Variants in JARID2 observed in about 807,000 individuals in gnomAD.
JARID2 encodes the protein protein Jumonji.
In JARID2, 21 loss-of-function variants were observed where a neutral mutation model predicts 125.6. That is an observed-to-expected ratio of 0.17 (90% CI 0.12 to 0.24). The LOEUF (loss-of-function observed/expected upper bound fraction) is 0.24, where lower values mean the gene tolerates loss of function less well. JARID2 is among the 10% of genes least tolerant of loss of function. The probability of loss-of-function intolerance (pLI) is 1.00; values close to 1 mark genes in which losing one functional copy is unlikely to be tolerated. For synonymous variants in JARID2, 736 were observed against 661.6 expected, an observed-to-expected ratio of 1.11 and a Z score of -1.73; for missense variants, 1,303 against 1,639.6, an observed-to-expected ratio of 0.79 and a Z score of 3.55.
At chr6:15,495,996 T>A in intron 6 of JARID2, 136 bp from the exon 7 acceptor site, 1 of 721,910 alleles carries the variant, frequency 1.4e-6, no homozygotes, top group South Asian at 1.8e-5. Context: ...TTTCCACATC[T>A]CTTCTTATCA....
At chr6:15,498,867 G>A (rs1341139598) in intron 7 of JARID2, among the ~76,000 whole-genome samples, 2 of 152,264 alleles carry the variant, frequency 1.3e-5, no homozygotes, top group African/African-American at 2.4e-5. Context: ...CAGGATGACT[G>A]AGTCAGTGAT....
At chr6:15,430,202 G>C (rs1361940491) in intron 3 of JARID2, among the ~76,000 whole-genome samples, 1 of 152,142 alleles carries the variant, frequency 6.6e-6, no homozygotes, top group African/African-American at 2.4e-5. Flanking sequence ...TTCTTGCTAA[G>C]ATTTTGTTTT....
At chr6:15,518,288 C>G (rs912144225) in intron 17 of JARID2, among the ~76,000 whole-genome samples, 1 of 152,190 alleles carries the variant, frequency 6.6e-6, no homozygotes, top group Non-Finnish European at 1.5e-5. Context: ...TGGGTTGTAC[C>G]TCTCACCAGC....
Position 15,290,485 on chromosome 6 carries a change from T to C in JARID2, c.45+43901T>C, listed in dbSNP as rs550861512. Among the ~76,000 whole-genome samples the C allele has an allele frequency of 1.5e-3, 235 of 152,320 alleles. 2 individuals carry two copies. The highest frequency in any genetic ancestry group is 5.2e-3 in the African/African-American group (218 of 41,544). ...CTTCTCCAATGTCCTTGAACCATTT[T>C]GCAAGTGTTCCAGTTGTTCCACATC... is the stretch of plus-strand genomic sequence containing the variant. On this transcript the variant is annotated intron_variant, in intron 1 of 17. Coordinates refer to ENST00000341776, the MANE Select transcript of JARID2 (RefSeq NM_004973.4).
intron 5 of JARID2, among the ~76,000 whole-genome samples, chr6:15,478,084 G>C (rs1769433777): frequency 6.6e-6 from 1 of 152,150 alleles, no homozygotes; most frequent in Non-Finnish European, 1.5e-5. Context: ...GGCCTCGTAG[G>C]GCCTTAGTGG....
At position 15,508,463 on chromosome 6, in the gene JARID2, TG is replaced by T. The variant is rs1259160434; in HGVS notation, c.2846+11del. On this transcript the variant is annotated intron_variant, in intron 12 of 17. Transcript: ENST00000341776. ...GGTGCTGACTGCATTTGGTGAGTAC[TG>T]GCCCCAGGCGGGAAGGGAGGGACTG... The T allele has an allele frequency of 8.3e-6, 12 of 1,439,782 alleles. No individual in the cohort carries two copies. Among genetic ancestry groups the T allele is most frequent in the Non-Finnish European group, 1.2e-5 (12 of 1,020,936 alleles). 89.2% of individuals were successfully genotyped at this position (1,439,782 alleles called of 1,614,324 possible).
chr6:15,501,243 T>C lies in JARID2; in HGVS notation c.2282T>C (p.Ile761Thr). Residue 761 changes from isoleucine to threonine, a missense_variant, in exon 8 of 18, where the codon ATC (isoleucine) becomes ACC (threonine). Physicochemically the swap from Ile to Thr is moderately conservative, Grantham distance 89 (BLOSUM62 -1). Around this residue, in one of 11 missense-constraint regions of JARID2, gnomAD observed 124 missense variants for 131.0 expected, o/e 0.95. Transcript: ENST00000341776. ...CGCTTCGAGCCCAAGAATGGGCTCA[T>C]CCACGGCGTGGCCCCCAGGAACGGC... ...LPRFEPKNGL[I>T]HGVAPRNGFR... is the part of the protein sequence containing the mutation. 1 of 1,613,606 alleles carries C rather than the reference T, an allele frequency of 6.2e-7. No individual in the cohort carries two copies. Among genetic ancestry groups the C allele is most frequent in the Non-Finnish European group, 8.5e-7 (1 of 1,179,630 alleles).
intron 1 of JARID2, among the ~76,000 whole-genome samples, chr6:15,296,745 C>T (rs1329395934): frequency 2.6e-5 from 4 of 152,244 alleles, no homozygotes; most frequent in Non-Finnish European, 5.9e-5. Flanking sequence ...ATGTCCCCAT[C>T]GTCCTCTGAG....
At chr6:15,352,583 G>C (rs1427108126) in intron 1 of JARID2, among the ~76,000 whole-genome samples, 1 of 152,142 alleles carries the variant, frequency 6.6e-6, no homozygotes, top group African/African-American at 2.4e-5. Flanking sequence ...CTTTTCCTGT[G>C]CTTCAGTCCT....
intron 1 of JARID2, among the ~76,000 whole-genome samples, chr6:15,341,061 T>A (rs1272823710): frequency 6.6e-6 from 1 of 152,252 alleles, no homozygotes; most frequent in Non-Finnish European, 1.5e-5. Context: ...GGAAGTCTTT[T>A]CTTTTATACC....
chr6:15,292,857 C>T (rs1049754328), intron 1 of JARID2, among the ~76,000 whole-genome samples: 5 of 152,070 alleles, frequency 3.3e-5, no homozygotes, highest in African/African-American at 7.2e-5. Context: ...TTTGTAGACA[C>T]GAGATCTTCC....
chr6:15,317,507 A>G (rs1762218400), intron 1 of JARID2, among the ~76,000 whole-genome samples: 1 of 152,184 alleles, frequency 6.6e-6, no homozygotes, highest in African/African-American at 2.4e-5. Context: ...CTTTTACTTC[A>G]GTAGACCTGG....
At chr6:15,373,830 A>C (rs1187825576) in intron 1 of JARID2, among the ~76,000 whole-genome samples, 1 of 152,204 alleles carries the variant, frequency 6.6e-6, no homozygotes, top group Non-Finnish European at 1.5e-5. Context: ...CAGGAATATA[A>C]AACTATTACT....
intron 3 of JARID2, among the ~76,000 whole-genome samples, chr6:15,424,595 C>A (rs111611190): frequency 0.031 from 4,693 of 152,180 alleles, 235 homozygotes; most frequent in African/African-American, 0.11. Flanking sequence ...TGGTGGCTCA[C>A]GCCTGTAATC....
At chr6:15,453,566 C>A (rs1488543047) in intron 4 of JARID2, among the ~76,000 whole-genome samples, 2 of 152,204 alleles carry the variant, frequency 1.3e-5, no homozygotes, top group Admixed American at 6.5e-5. Flanking sequence ...TCAGCCTTTG[C>A]AGTGTATAAG....
At chr6:15,391,745 T>C (rs891229457) in intron 2 of JARID2, among the ~76,000 whole-genome samples, 21 of 152,164 alleles carry the variant, frequency 1.4e-4, no homozygotes, top group African/African-American at 4.6e-4. Flanking sequence ...AGTAACTGGG[T>C]GTCTAGGAGC....
At chr6:15,283,205 G>T (rs183554061) in intron 1 of JARID2, among the ~76,000 whole-genome samples, 2 of 148,904 alleles carry the variant, frequency 1.3e-5, no homozygotes, top group East Asian at 4.1e-4. Flanking sequence ...GTCTCGATCT[G>T]CCGACCTTGT....
intron 5 of JARID2, among the ~76,000 whole-genome samples, chr6:15,471,543 G>A (rs1027691312): frequency 3.9e-5 from 6 of 152,112 alleles, no homozygotes; most frequent in African/African-American, 1.4e-4. Flanking sequence ...ATGCTGATTG[G>A]GCAGGTGAAT....
chr6:15,325,018 T>C (rs1246154590), intron 1 of JARID2, among the ~76,000 whole-genome samples: 2 of 152,158 alleles, frequency 1.3e-5, no homozygotes, highest in Non-Finnish European at 2.9e-5. Flanking sequence ...AGAGTTTTTC[T>C]GTGTATTCGT....
Sources: allele counts gnomAD v4.1 joint callset (sites outside exome capture counted in the v4.1 genomes callset), GRCh38; gene constraint gnomAD v4.1.1; regional missense constraint gnomAD v4.1.1; transcripts MANE v1.5; gene names NCBI Gene and HGNC (gene_info 2026-07-23, HGNC 2026-07-21).